Variants in SOX5 observed in about 807,000 individuals in gnomAD.
SOX5 encodes transcription factor SOX-5.
SOX5 carries 9 observed loss-of-function variants against 92.0 expected under a neutral mutation model. The observed-to-expected ratio is 0.10, with a 90% CI of 0.06 to 0.17. SOX5 has a LOEUF of 0.17. Ranked by LOEUF, SOX5 falls within the 10% of genes least tolerant of loss-of-function variation. SOX5 has a pLI of 1.00. For missense variants in SOX5, 642 were observed against 944.5 expected, an observed-to-expected ratio of 0.68 and a Z score of 4.20; for synonymous variants, 344 against 336.3, an observed-to-expected ratio of 1.02 and a Z score of -0.25.
intron 4 of SOX5, among the ~76,000 whole-genome samples, chr12:23,958,728 T>TAAA (rs5797051): frequency 1.3e-5 from 2 of 148,492 alleles, no homozygotes; most frequent in Non-Finnish European, 3.0e-5. Context: ...GGATTTTAAG[T>TAAA]AAAAAAAAAA....
At chr12:24,051,998 C>T (rs189845760) in intron 4 of SOX5, among the ~76,000 whole-genome samples, 18 of 152,312 alleles carry the variant, frequency 1.2e-4, no homozygotes, top group Admixed American at 2.0e-4. Context: ...TTTAACCTCT[C>T]CTTAGCATTT....
Position 23,657,497 on chromosome 12 carries a change from A to G in SOX5, c.931+7947T>C, listed in dbSNP as rs1026050917. Reference sequence around the variant, plus strand: ...TATTTTTCTTCTTCCATACTTTCCAATCAATCTTATGACATAAGTTTGCCT... The same window carrying G: ...TATTTTTCTTCTTCCATACTTTCCAGTCAATCTTATGACATAAGTTTGCCT... On this transcript the variant is annotated intron_variant, in intron 7 of 14. Coordinates refer to ENST00000451604, the MANE Select transcript of SOX5 (RefSeq NM_006940.6). Among the ~76,000 whole-genome samples the G allele has an allele frequency of 2.6e-5, 4 of 152,162 alleles. No homozygotes were observed. In the East Asian group the frequency reaches 7.7e-4, roughly 29 times the overall value.
rs571850898 is a variant in SOX5, at chr12:23,710,277, C to T, written c.810+24407G>A. 2.0e-5 allele frequency among the ~76,000 whole-genome samples: 3 copies of T among 152,206 alleles called. No individual in the cohort carries two copies. In the East Asian group the frequency reaches 5.8e-4, roughly 29 times the overall value. ...TTATTATACTTTAAGTTCTAGGGTA[C>T]ATGTGCACAACGTGCAGGTTTGTTA... On this transcript the variant is annotated intron_variant, in intron 6 of 14. Coordinates refer to ENST00000451604, the MANE Select transcript of SOX5 (RefSeq NM_006940.6).
intron 4 of SOX5, among the ~76,000 whole-genome samples, chr12:24,193,231 G>A (rs572388724): frequency 1.1e-4 from 16 of 152,294 alleles, no homozygotes; most frequent in South Asian, 2.1e-4. Flanking sequence ...GTAATTACTC[G>A]ATTTGGAAAC....
At chr12:24,041,494 T>G (rs1394686457) in intron 4 of SOX5, among the ~76,000 whole-genome samples, 1 of 152,176 alleles carries the variant, frequency 6.6e-6, no homozygotes, top group African/African-American at 2.4e-5. Context: ...TGGATTCTTA[T>G]GATTAAAGGC....
At chr12:24,253,270 C>CTTTT (rs61584024) in intron 3 of SOX5, among the ~76,000 whole-genome samples, 3 of 137,476 alleles carry the variant, frequency 2.2e-5, no homozygotes, top group Non-Finnish European at 3.2e-5. Context: ...ACGTGCACAT[C>CTTTT]TTTTTTTTTT....
chr12:24,252,342 G>A (rs1042119969), intron 3 of SOX5, among the ~76,000 whole-genome samples: 4 of 152,162 alleles, frequency 2.6e-5, no homozygotes, highest in Admixed American at 2.6e-4. Context: ...ACCAATTGCT[G>A]TCACAATTTG....
chr12:24,397,273 T>G (rs958120186), intron 1 of SOX5, among the ~76,000 whole-genome samples: 1 of 152,194 alleles, frequency 6.6e-6, no homozygotes, highest in African/African-American at 2.4e-5. Flanking sequence ...AAGTAAATAC[T>G]ATTTCCATAT....
intron 2 of SOX5, among the ~76,000 whole-genome samples, chr12:24,348,150 G>A (rs922144645): frequency 1.3e-5 from 2 of 150,806 alleles, no homozygotes; most frequent in African/African-American, 2.4e-5. Context: ...TTTGAATCAT[G>A]GCATTAAGAA....
At chr12:24,036,945 G>A (rs1956099153) in intron 4 of SOX5, among the ~76,000 whole-genome samples, 1 of 151,970 alleles carries the variant, frequency 6.6e-6, no homozygotes, top group African/African-American at 2.4e-5. Flanking sequence ...CTTAAATTCA[G>A]CAGGATAACT....
At chr12:24,108,685 A>G (rs1946973894) in intron 4 of SOX5, among the ~76,000 whole-genome samples, 1 of 152,156 alleles carries the variant, frequency 6.6e-6, no homozygotes. Context: ...AAAATTCTCA[A>G]ACATGACTCT....
chr12:23,847,076 A>C (rs1038211348), intron 2 of SOX5, among the ~76,000 whole-genome samples: 1 of 152,112 alleles, frequency 6.6e-6, no homozygotes, highest in Non-Finnish European at 1.5e-5. Context: ...ATTTTGTATA[A>C]AACATATTAA....
In SOX5 at chr12:23,674,336, A is replaced by AT. The variant is rs34975795; in HGVS notation, c.811-8773dup. ...AAATATTTTCTTACCATAAAAAGGA[A>AT]TTTTTTTTTTTTTTTTTTGAGACGG... is the stretch of plus-strand genomic sequence containing the variant. On this transcript the variant is annotated intron_variant, in intron 6 of 14. Coordinates refer to ENST00000451604, the MANE Select transcript of SOX5 (RefSeq NM_006940.6). 2.0e-3 allele frequency among the ~76,000 whole-genome samples: 194 copies of AT among 97,366 alleles called. 15 individuals are homozygous for AT. The highest frequency in any genetic ancestry group is 7.3e-3 in the East Asian group (26 of 3,544). 63.9% of individuals were successfully genotyped at this position (97,366 alleles called of 152,430 possible). A position where few individuals can be genotyped will look rare whatever the true frequency, so the allele number is the denominator to read the frequency against.
At chr12:23,942,490 T>G (rs927418132) in intron 1 of SOX5, among the ~76,000 whole-genome samples, 1 of 151,924 alleles carries the variant, frequency 6.6e-6, no homozygotes, top group African/African-American at 2.4e-5. Flanking sequence ...ACTCCTACAC[T>G]AAGAAATTAA....
At chr12:23,761,226 A>G (rs767633375) in intron 3 of SOX5, among the ~76,000 whole-genome samples, 22 of 152,162 alleles carry the variant, frequency 1.4e-4, no homozygotes, top group Non-Finnish European at 2.6e-4. Context: ...TCATTTAGAT[A>G]AGCACTTCAT....
chr12:24,192,202 A>C (rs972006834), intron 4 of SOX5, among the ~76,000 whole-genome samples: 4 of 152,236 alleles, frequency 2.6e-5, no homozygotes, highest in African/African-American at 9.6e-5. Flanking sequence ...TGTATGAGCC[A>C]GAATTGAACA....
intron 3 of SOX5, among the ~76,000 whole-genome samples, chr12:24,257,324 A>G (rs1732692559): frequency 6.6e-6 from 1 of 152,228 alleles, no homozygotes; most frequent in Non-Finnish European, 1.5e-5. Flanking sequence ...TACATTCATT[A>G]TATACATTTG....
intron 6 of SOX5, among the ~76,000 whole-genome samples, chr12:23,724,285 C>G (rs1567240199): frequency 6.6e-6 from 1 of 152,014 alleles, no homozygotes; most frequent in Admixed American, 6.6e-5. Flanking sequence ...CACACGCATA[C>G]ACACACACAT....
At chr12:23,633,921 A>G (rs1306641132) in intron 8 of SOX5, among the ~76,000 whole-genome samples, 1 of 152,154 alleles carries the variant, frequency 6.6e-6, no homozygotes, top group Non-Finnish European at 1.5e-5. Context: ...GCTAAAACAC[A>G]TTCTTTATGC....
Sources: gnomAD v4.1 joint callset for allele counts (sites outside exome capture counted in the v4.1 genomes callset) on GRCh38, gnomAD v4.1.1 for gene constraint, MANE v1.5 for transcripts, NCBI Gene and HGNC (gene_info 2026-07-23, HGNC 2026-07-21) for gene names.